ITK: variants seen among roughly 807,000 people sequenced by gnomAD.
ITK encodes the protein tyrosine-protein kinase ITK/TSK.
In ITK, 45 loss-of-function variants were observed where a neutral mutation model predicts 87.6. The ratio of observed to expected loss-of-function variants is 0.51; its 90% CI spans 0.40 to 0.66. The LOEUF is 0.66. Among genes scored for constraint, ITK ranks in the 30% least tolerant of loss-of-function variants. The pLI, the probability that ITK is intolerant of heterozygous loss-of-function variation, is 0.00. For synonymous variants in ITK, 303 were observed against 273.6 expected, an observed-to-expected ratio of 1.11 and a Z score of -1.06; for missense variants, 605 against 766.3, an observed-to-expected ratio of 0.79 and a Z score of 2.48.
chr5:157,247,748 T>A (rs2113776971), intron 15 of ITK, among the ~76,000 whole-genome samples: 1 of 152,358 alleles, frequency 6.6e-6, no homozygotes, highest in African/African-American at 2.4e-5. Context: ...GAAAACTCCA[T>A]GCCTGCATCA....
At chr5:157,232,632 A>G (rs1023378177) in intron 8 of ITK, among the ~76,000 whole-genome samples, 1 of 152,210 alleles carries the variant, frequency 6.6e-6, no homozygotes, top group Admixed American at 6.5e-5. Context: ...GGTAAAAATG[A>G]AAGAAAGAAA....
intron 1 of ITK, among the ~76,000 whole-genome samples, chr5:157,205,318 C>T (rs1289867390): frequency 1.3e-5 from 2 of 152,116 alleles, no homozygotes; most frequent in Non-Finnish European, 2.9e-5. Flanking sequence ...CTTTCCCAAA[C>T]GTGTGCTCAT....
At chr5:157,221,917 G>A (rs59459201) in intron 5 of ITK, among the ~76,000 whole-genome samples, 5,847 of 152,014 alleles carry the variant, frequency 0.038, 346 homozygotes, top group African/African-American at 0.13. Context: ...TTGGGAGGCC[G>A]AGGCAGGAGG....
intron 8 of ITK, among the ~76,000 whole-genome samples, chr5:157,237,726 G>A (rs972683824): frequency 2.6e-5 from 4 of 152,206 alleles, no homozygotes; most frequent in Admixed American, 6.5e-5. Flanking sequence ...GTTGTGGGTC[G>A]TGGGAATGCC....
Position 157,248,935 on chromosome 5 carries a change from C to T in ITK, c.1719C>T (p.Thr573=), listed in dbSNP as rs764500906. The part of the protein sequence containing the change: ...SNSEVVEDIS[T]GFRLYKPRLA... The stretch of plus-strand genomic sequence containing the variant: ...CAGAGGTGGTGGAAGACATCAGTAC[C>T]GGATTTCGGTTGTACAAGCCCCGGC... The change falls in exon 16 of 17, where the codon ACC becomes ACT. Residue 573 remains threonine, a synonymous_variant. Coordinates refer to ENST00000422843, the MANE Select transcript of ITK (RefSeq NM_005546.4). The T allele has an allele frequency of 1.4e-5, 22 of 1,613,710 alleles. No homozygotes were observed. Among genetic ancestry groups the T allele is most frequent in the Middle Eastern group, 1.6e-4 (1 of 6,076 alleles).
At chr5:157,222,257 T>C (rs1444818842) in intron 5 of ITK, among the ~76,000 whole-genome samples, 2 of 151,890 alleles carry the variant, frequency 1.3e-5, no homozygotes, top group African/African-American at 4.8e-5. Context: ...GTCCTCAATA[T>C]GGACATGAAG....
intron 1 of ITK, among the ~76,000 whole-genome samples, chr5:157,191,888 G>A (rs1164958879): frequency 6.6e-6 from 1 of 152,126 alleles, no homozygotes; most frequent in East Asian, 1.9e-4. Flanking sequence ...TTAGGATAGA[G>A]TGCCCCAAAT....
At chr5:157,189,542 G>A (rs765379335) in intron 1 of ITK, among the ~76,000 whole-genome samples, 9 of 152,172 alleles carry the variant, frequency 5.9e-5, no homozygotes, top group African/African-American at 2.2e-4. Context: ...TTAGTCAGGC[G>A]TGGTGGCATA....
chr5:157,247,042 A>G (rs1008195257), intron 15 of ITK, among the ~76,000 whole-genome samples: 4 of 152,230 alleles, frequency 2.6e-5, no homozygotes, highest in African/African-American at 9.6e-5. Context: ...GGATTACAAG[A>G]ATTATACTGT....
chr5:157,181,076 A>G lies in ITK; in HGVS notation c.99A>G (p.Leu33=). The change falls in exon 1 of 17, where the codon TTA becomes TTG. Residue 33 remains leucine, a synonymous_variant. Coordinates refer to ENST00000422843, the MANE Select transcript of ITK (RefSeq NM_005546.4). The part of the protein sequence containing the change: ...PSNFKVRFFV[L]TKASLAYFED... The stretch of plus-strand genomic sequence containing the variant: ...ACTTTAAAGTCCGCTTCTTTGTGTT[A>G]ACCAAAGCCAGCCTGGCATACTTTG... The G allele has an allele frequency of 6.2e-7, 1 of 1,614,110 alleles. No individual in the cohort carries two copies. The highest frequency in any genetic ancestry group is 8.5e-7 in the Non-Finnish European group (1 of 1,179,920).
intron 8 of ITK, among the ~76,000 whole-genome samples, chr5:157,237,716 G>T (rs1293132783): frequency 2.0e-5 from 3 of 152,210 alleles, no homozygotes; most frequent in African/African-American, 7.2e-5. Context: ...TCACTTTCTA[G>T]TTGTGGGTCG....
chr5:157,231,931 G>C (rs28638168), intron 7 of ITK, among the ~76,000 whole-genome samples: 1 of 152,000 alleles, frequency 6.6e-6, no homozygotes, highest in Non-Finnish European at 1.5e-5. Context: ...TCCTTATAAC[G>C]AACTGTCTAC....
At chr5:157,203,350 A>G (rs991090287) in intron 1 of ITK, among the ~76,000 whole-genome samples, 3 of 152,140 alleles carry the variant, frequency 2.0e-5, no homozygotes, top group African/African-American at 7.2e-5. Context: ...CTGTGTTCCA[A>G]CCTGACACCC....
At chr5:157,222,700 T>C (rs1228304681) in intron 5 of ITK, 163 bp from the exon 6 acceptor site, 1 of 687,218 alleles carries the variant, frequency 1.5e-6, no homozygotes, top group African/African-American at 1.8e-5. Context: ...TGTGATGAAT[T>C]CCAAGCACTG....
chr5:157,181,202 T>C (rs1220103512), intron 1 of ITK, 87 bp downstream of exon 1: 5 of 1,332,990 alleles, frequency 3.8e-6, no homozygotes, highest in South Asian at 1.2e-5. Flanking sequence ...TAGCATAAAA[T>C]AGAGCACAGG....
chr5:157,194,526 A>T lies in ITK; in HGVS notation c.138+13411A>T, dbSNP rs184791162. Among the ~76,000 whole-genome samples the T allele has an allele frequency of 2.2e-3, 338 of 152,332 alleles. 1 individual carries two copies. The highest frequency in any genetic ancestry group is 7.6e-3 in the African/African-American group (316 of 41,584). ...CCAGGAGGAAAGTATTAGCCTAGCGAAGTGACCCAGAAAGGGAGTTTGAGG... is the reference window on the plus strand; with the variant it reads ...CCAGGAGGAAAGTATTAGCCTAGCGTAGTGACCCAGAAAGGGAGTTTGAGG... On this transcript the variant is annotated intron_variant, in intron 1 of 16. Coordinates refer to ENST00000422843, the MANE Select transcript of ITK (RefSeq NM_005546.4).
chr5:157,221,886 C>G (rs542858707), intron 5 of ITK, among the ~76,000 whole-genome samples: 1 of 152,220 alleles, frequency 6.6e-6, no homozygotes, highest in African/African-American at 2.4e-5. Flanking sequence ...CACAGTGGCT[C>G]ATTCCTGTAC....
chr5:157,247,846 C>T (rs1177133262), intron 15 of ITK, among the ~76,000 whole-genome samples: 1 of 152,222 alleles, frequency 6.6e-6, no homozygotes, highest in East Asian at 1.9e-4. Flanking sequence ...TTGTACTTTG[C>T]TCAATTTTTT....
At position 157,240,142 on chromosome 5, in the gene ITK, A is replaced by G; in HGVS notation, c.932A>G (p.Tyr311Cys). The G allele has an allele frequency of 6.2e-7, 1 of 1,613,984 alleles. No individual in the cohort carries two copies. The highest frequency in any genetic ancestry group is 8.5e-7 in the Non-Finnish European group (1 of 1,179,822). Reference sequence around the variant, plus strand: ...AAGCGATACTATGTGGCTGAAAAGTATGTGTTCGATTCCATCCCTCTTCTC... The same window carrying G: ...AAGCGATACTATGTGGCTGAAAAGTGTGTGTTCGATTCCATCCCTCTTCTC... ...NPKRYYVAEKYVFDSIPLLIN... is the reference protein window; with the variant it reads ...NPKRYYVAEKCVFDSIPLLIN... The change falls in exon 10 of 17, where the codon TAT becomes TGT. Residue 311 changes from tyrosine to cysteine, a missense_variant. Transcript: ENST00000422843.
Sources: gnomAD v4.1 joint callset for allele counts (sites outside exome capture counted in the v4.1 genomes callset) on GRCh38, gnomAD v4.1.1 for gene constraint, MANE v1.5 for transcripts, NCBI Gene and HGNC (gene_info 2026-07-23, HGNC 2026-07-21) for gene names.